DAB1: variants seen among roughly 807,000 people sequenced by gnomAD.
DAB1 encodes the protein DAB adaptor protein 1.
Under a neutral mutation model 64.6 loss-of-function variants are expected in DAB1, and 15 were observed. The ratio of observed to expected loss-of-function variants is 0.23; its 90% confidence interval spans 0.16 to 0.36. DAB1 has a LOEUF of 0.36. Among genes scored for constraint, DAB1 ranks in the 10% least tolerant of loss-of-function variants. DAB1 has a pLI of 1.00. For synonymous variants in DAB1, 235 were observed against 251.9 expected, an observed-to-expected ratio of 0.93 and a Z score of 0.64; for missense variants, 596 against 706.7, an observed-to-expected ratio of 0.84 and a Z score of 1.78.
At chr1:57,339,702 A>G (rs2100823733) in intron 1 of DAB1, among the ~76,000 whole-genome samples, 1 of 152,322 alleles carries the variant, frequency 6.6e-6, no homozygotes, top group Admixed American at 6.5e-5. Context: ...CTGAACACAC[A>G]CTATGTGCAC....
chr1:57,726,631 T>C (rs1647214298), intron 6 of DAB1, among the ~76,000 whole-genome samples: 1 of 152,250 alleles, frequency 6.6e-6, no homozygotes, highest in African/African-American at 2.4e-5. Context: ...CTTTATATAC[T>C]TAACACTTCA....
At chr1:58,126,617 C>T (rs1232911045) in intron 5 of DAB1, among the ~76,000 whole-genome samples, 1 of 148,390 alleles carries the variant, frequency 6.7e-6, no homozygotes. Context: ...CTACCCCCCA[C>T]CCCACAACAG....
chr1:57,373,151 C>T (rs373537524), intron 1 of DAB1, among the ~76,000 whole-genome samples: 2 of 152,170 alleles, frequency 1.3e-5, no homozygotes, highest in African/African-American at 2.4e-5. Context: ...TGACACTGTC[C>T]ACTCCAGCTT....
At chr1:58,141,843 C>T (rs954395146) in intron 5 of DAB1, among the ~76,000 whole-genome samples, 2 of 152,190 alleles carry the variant, frequency 1.3e-5, no homozygotes, top group Non-Finnish European at 2.9e-5. Flanking sequence ...TGTGATACAA[C>T]ATGGCATGTT....
intron 10 of DAB1, 132 bp downstream of exon 10, chr1:57,025,849 C>T: frequency 5.7e-6 from 4 of 700,090 alleles, no homozygotes; most frequent in East Asian, 3.0e-5. Flanking sequence ...GTCCAAGTCA[C>T]ACAGCTTGAA....
chr1:57,386,190 A>G (rs1681811481), intron 1 of DAB1, among the ~76,000 whole-genome samples: 1 of 152,106 alleles, frequency 6.6e-6, no homozygotes, highest in Non-Finnish European at 1.5e-5. Context: ...GTATCTATCC[A>G]TTTATTCATC....
intron 4 of DAB1, among the ~76,000 whole-genome samples, chr1:58,308,994 C>G (rs1467617144): frequency 6.6e-6 from 1 of 151,968 alleles, no homozygotes; most frequent in Non-Finnish European, 1.5e-5. Context: ...ATCTTGTGGT[C>G]CAATGAGTGA....
chr1:57,548,079 A>G (rs1295938242), intron 7 of DAB1, among the ~76,000 whole-genome samples: 2 of 152,140 alleles, frequency 1.3e-5, no homozygotes, highest in African/African-American at 4.8e-5. Context: ...TGTGTCTATA[A>G]TAGGTTATTT....
rs185912054 is a variant in DAB1 at position 57,230,558 on chromosome 1, C to T, written c.67+60406G>A. 3.9e-5 allele frequency among the ~76,000 whole-genome samples: 6 copies of T among 152,146 alleles called. No homozygotes were observed. In the East Asian group the frequency reaches 7.7e-4, roughly 20 times the overall value. The stretch of plus-strand genomic sequence containing the variant: ...ACTAAAAAAAGATTTCTGAAGTGAA[C>T]GTAAACATGAGCTTTGAAGCCAGAC... On this transcript the variant is annotated intron_variant, in intron 2 of 14. Coordinates refer to ENST00000371236, the MANE Select transcript of DAB1 (RefSeq NM_001365792.1).
At chr1:57,111,268 G>C (rs1655631088) in intron 4 of DAB1, among the ~76,000 whole-genome samples, 1 of 152,102 alleles carries the variant, frequency 6.6e-6, no homozygotes, top group Admixed American at 6.6e-5. Context: ...GTGTTCTAAT[G>C]GGACAAAATA....
intron 1 of DAB1, among the ~76,000 whole-genome samples, chr1:57,419,768 A>C (rs1684760250): frequency 6.6e-6 from 1 of 152,224 alleles, no homozygotes; most frequent in Non-Finnish European, 1.5e-5. Flanking sequence ...GAAAACTATA[A>C]AGCACAGAGA....
Position 57,173,632 on chromosome 1 carries a change from T to C in DAB1, c.68-28203A>G, listed in dbSNP as rs189872595. Among the ~76,000 whole-genome samples, 34 of 152,320 alleles carry C rather than the reference T, an allele frequency of 2.2e-4. No homozygotes were observed. The East Asian group carries it at 5.4e-3, about 24-fold the overall frequency. On this transcript the variant is annotated intron_variant, in intron 2 of 14. Coordinates refer to ENST00000371236, the MANE Select transcript of DAB1 (RefSeq NM_001365792.1). ...TACAGCTAGCACTAGAGAGCTTTCTTAAATTAAGGCAAGCTTAATCGGGAA... is the reference window on the plus strand; with the variant it reads ...TACAGCTAGCACTAGAGAGCTTTCTCAAATTAAGGCAAGCTTAATCGGGAA...
At chr1:57,532,177 TAGC>T (rs1414139738) in intron 7 of DAB1, among the ~76,000 whole-genome samples, 5 of 152,160 alleles carry the variant, frequency 3.3e-5, no homozygotes, top group African/African-American at 1.2e-4. Context: ...ACATTTCTCT[TAGC>T]AGTTAGGTTT....
chr1:58,107,129 A>G (rs1007119526), intron 5 of DAB1, among the ~76,000 whole-genome samples: 1 of 151,882 alleles, frequency 6.6e-6, no homozygotes, highest in Non-Finnish European at 1.5e-5. Flanking sequence ...ATATAGTGTG[A>G]TAAGTGCTAG....
chr1:57,496,910 T>A (rs1337297977), intron 7 of DAB1, among the ~76,000 whole-genome samples: 2 of 152,152 alleles, frequency 1.3e-5, no homozygotes, highest in Non-Finnish European at 2.9e-5. Flanking sequence ...GGGCAAATCC[T>A]CACATGGTGA....
At chr1:57,248,272 A>C (rs943082679) in intron 2 of DAB1, among the ~76,000 whole-genome samples, 2 of 151,876 alleles carry the variant, frequency 1.3e-5, no homozygotes, top group African/African-American at 4.8e-5. Flanking sequence ...TTAAAAAAAT[A>C]CTTTCAATCC....
At chr1:57,198,185 G>T (rs1664787416) in intron 2 of DAB1, among the ~76,000 whole-genome samples, 1 of 152,154 alleles carries the variant, frequency 6.6e-6, no homozygotes, top group Non-Finnish European at 1.5e-5. Flanking sequence ...GCTTGGGTTT[G>T]AAAATAAAAC....
rs1021365011 is a variant in DAB1 at position 57,278,108 on chromosome 1, T to C, written c.67+12856A>G. Among the ~76,000 whole-genome samples, 3 of 152,212 alleles carry C rather than the reference T, an allele frequency of 2.0e-5. No homozygotes were observed. The South Asian group carries it at 6.2e-4, about 32-fold the overall frequency. The stretch of plus-strand genomic sequence containing the variant: ...AGTGAGCTTTCACTGGGGTTTTATT[T>C]GATGGTCTCTGCTGGGAAACAGCAT... On this transcript the variant is annotated intron_variant, in intron 2 of 14. Coordinates refer to ENST00000371236, the MANE Select transcript of DAB1 (RefSeq NM_001365792.1).
At chr1:57,465,760 T>A (rs1264993182) in intron 7 of DAB1, among the ~76,000 whole-genome samples, 1 of 152,092 alleles carries the variant, frequency 6.6e-6, no homozygotes, top group Non-Finnish European at 1.5e-5. Context: ...GAAGAACAGA[T>A]GAATGAATGA....
Sources: allele counts gnomAD v4.1 joint callset (sites outside exome capture counted in the v4.1 genomes callset), GRCh38; gene constraint gnomAD v4.1.1; transcripts MANE v1.5; gene names NCBI Gene and HGNC (gene_info 2026-07-23, HGNC 2026-07-21).